OSMR: variants seen among roughly 807,000 people sequenced by gnomAD.
The protein encoded by OSMR is oncostatin-M-specific receptor subunit beta.
A neutral mutation model predicts 99.9 loss-of-function variants in OSMR; 81 were observed. The ratio of observed to expected loss-of-function variants is 0.81; its 90% CI spans 0.68 to 0.97. The LOEUF (loss-of-function observed/expected upper bound fraction) is 0.97, where lower values mean the gene tolerates loss of function less well. OSMR is among the 50% of genes least tolerant of loss of function. The pLI, the probability that OSMR is intolerant of heterozygous loss-of-function variation, is 0.00. For synonymous variants in OSMR, 406 were observed against 410.4 expected, an observed-to-expected ratio of 0.99 and a Z score of 0.13; for missense variants, 1,099 against 1,153.4, an observed-to-expected ratio of 0.95 and a Z score of 0.68.
chr5:38,885,296 C>T (rs1561366840), intron 5 of OSMR, 53 bp from the exon 6 acceptor site: 1 of 1,611,138 alleles, frequency 6.2e-7, no homozygotes, highest in East Asian at 2.2e-5. Context: ...TTCCATTTGG[C>T]TTATCTTCCA....
At chr5:38,896,932 G>A (rs1579733270) in intron 7 of OSMR, among the ~76,000 whole-genome samples, 1 of 151,468 alleles carries the variant, frequency 6.6e-6, no homozygotes, top group African/African-American at 2.4e-5. Context: ...CCTTCATTTT[G>A]TTGATATGAT....
rs530809652 is a variant in OSMR at position 38,850,259 on chromosome 5, T to G, written c.-14+3872T>G. Among the ~76,000 whole-genome samples the G allele has an allele frequency of 4.1e-4, 62 of 152,234 alleles. 1 individual carries two copies. Among genetic ancestry groups the G allele is most frequent in the Non-Finnish European group, 1.6e-4 (11 of 68,032 alleles). On this transcript the variant is annotated intron_variant, in intron 1 of 17. Transcript: ENST00000274276. ...TTGTCCACATTTGGGTGTACAGTCT[T>G]GTACAACTATTTAAATTTATGCTGC...
At chr5:38,923,889 A>G (rs1020139480) in intron 13 of OSMR, among the ~76,000 whole-genome samples, 3 of 152,180 alleles carry the variant, frequency 2.0e-5, no homozygotes, top group Non-Finnish European at 2.9e-5. Context: ...GTGGGAAAAC[A>G]GCCTCAGCAA....
At chr5:38,907,611 C>T (rs550280797) in intron 9 of OSMR, among the ~76,000 whole-genome samples, 100 of 152,342 alleles carry the variant, frequency 6.6e-4, no homozygotes, top group Middle Eastern at 3.4e-3. Context: ...CCTTGCCACA[C>T]TAGCTGGAGT....
Position 38,901,726 on chromosome 5 carries a change from T to C in OSMR, c.992-2156T>C, listed in dbSNP as rs149615476. Among the ~76,000 whole-genome samples the C allele has an allele frequency of 1.6e-3, 246 of 152,302 alleles. 1 individual carries two copies. The highest frequency in any genetic ancestry group is 4.1e-3 in the African/African-American group (170 of 41,566). On this transcript the variant is annotated intron_variant, in intron 7 of 17. Transcript: ENST00000274276. ...GAGGTTTTGGACATCTGTAATTTTA[T>C]TGAGCTAGCAGGCTTTAAGGGTTCT...
intron 15 of OSMR, among the ~76,000 whole-genome samples, chr5:38,925,962 A>G (rs1746455517): frequency 6.6e-6 from 1 of 152,226 alleles, no homozygotes; most frequent in East Asian, 1.9e-4. Context: ...GTGGAGAGAT[A>G]GATCTTTTCA....
intron 9 of OSMR, among the ~76,000 whole-genome samples, chr5:38,909,519 G>A (rs951256070): frequency 9.2e-5 from 14 of 152,178 alleles, no homozygotes; most frequent in African/African-American, 2.2e-4. Flanking sequence ...ACCCCATCAC[G>A]CTAACAGTGG....
rs766228210 is a variant in OSMR, at chr5:38,935,572, A to ATAAT, written c.*2130_*2133dup. On this transcript the variant is annotated 3_prime_UTR_variant, in exon 18 of 18. Coordinates refer to ENST00000274276, the MANE Select transcript of OSMR (RefSeq NM_003999.3). ...TTTTTCATATAGTTTTGTTTAAAAA[A>ATAAT]TAATTCACGCAAAATCTTGAAGTCA... is the stretch of plus-strand genomic sequence containing the variant. 2.6e-5 allele frequency: 4 copies of ATAAT among 152,362 alleles called. No individual in the cohort carries two copies. The South Asian group carries it at 8.3e-4, about 32-fold the overall frequency. The allele number at this position is 152,362 out of a possible 1,614,324, so 9.4% of individuals were successfully genotyped here. A position where few individuals can be genotyped will look rare whatever the true frequency, so the allele number is the denominator to read the frequency against.
intron 1 of OSMR, among the ~76,000 whole-genome samples, chr5:38,857,312 A>T (rs2112092001): frequency 6.6e-6 from 1 of 152,318 alleles, no homozygotes; most frequent in East Asian, 1.9e-4. Flanking sequence ...TCCTCAAATG[A>T]TATGAATGTG....
In OSMR at chr5:38,935,450, C is replaced by T. The variant is rs564802177; in HGVS notation, c.*2006C>T. On this transcript the variant is annotated 3_prime_UTR_variant, in exon 18 of 18. Transcript: ENST00000274276. ...TAGACTTTAGGGCCAGTATTGTCAGCATTTATTTATTTATGTACCTTTGTT... is the reference window on the plus strand; with the variant it reads ...TAGACTTTAGGGCCAGTATTGTCAGTATTTATTTATTTATGTACCTTTGTT... The T allele has an allele frequency of 9.9e-5, 15 of 152,216 alleles. No homozygotes were observed. The South Asian group carries it at 3.1e-3, about 32-fold the overall frequency. The allele number at this position is 152,216 out of a possible 1,614,324, so 9.4% of individuals were successfully genotyped here. A position where few individuals can be genotyped will look rare whatever the true frequency, so the allele number is the denominator to read the frequency against.
At chr5:38,880,400 G>A (rs1390038016) in intron 3 of OSMR, among the ~76,000 whole-genome samples, 2 of 152,152 alleles carry the variant, frequency 1.3e-5, no homozygotes, top group South Asian at 2.1e-4. Flanking sequence ...GTTGGAGGAG[G>A]CACACTGAGG....
rs534667312 is a variant in OSMR at position 38,931,260 on chromosome 5, A to G, written c.2213-623A>G. Reference sequence around the variant, plus strand: ...CACCCTCAAAAGCTCCGTGGCATACAAGAACAAATCTATCTTTTTATGCTC... The same window carrying G: ...CACCCTCAAAAGCTCCGTGGCATACGAGAACAAATCTATCTTTTTATGCTC... On this transcript the variant is annotated intron_variant, in intron 15 of 17. Coordinates refer to ENST00000274276, the MANE Select transcript of OSMR (RefSeq NM_003999.3). 2.6e-5 allele frequency among the ~76,000 whole-genome samples: 4 copies of G among 152,290 alleles called. No individual in the cohort carries two copies. The South Asian group carries it at 8.3e-4, about 32-fold the overall frequency.
At position 38,918,965 on chromosome 5, in the gene OSMR, C is replaced by T; in HGVS notation, c.1488C>T (p.Ile496=). 1 of 1,614,168 alleles carries T rather than the reference C, an allele frequency of 6.2e-7. No homozygotes were observed. The highest frequency in any genetic ancestry group is 1.3e-5 in the African/African-American group (1 of 75,044). Residue 496 remains isoleucine, a synonymous_variant, in exon 11 of 18, where the codon ATC becomes ATT. Transcript: ENST00000274276. ...CACCAGCCAACAGCACAAAACTAAT[C>T]CTTGACAGGTGTTCCTACCAAATCT... ...IPAPANSTKL[I]LDRCSYQICV...
rs1421515577 is a variant in OSMR at position 38,934,019 on chromosome 5, T to TG, written c.*580dup. The TG allele has an allele frequency of 3.1e-5, 1 of 32,570 alleles. No homozygotes were observed. The highest frequency in any genetic ancestry group is 3.7e-4 in the Admixed American group (1 of 2,698). 2.0% of individuals were successfully genotyped at this position (32,570 alleles called of 1,614,324 possible). The stretch of plus-strand genomic sequence containing the variant: ...GACACAGTAAAATTAACTCTGTGGG[T>TG]GGGGGCGGGGGGCATAGCTCTAATC... On this transcript the variant is annotated 3_prime_UTR_variant, in exon 18 of 18. Coordinates refer to ENST00000274276, the MANE Select transcript of OSMR (RefSeq NM_003999.3).
chr5:38,943,819 G>GAAATACA (rs1247877861), intron 1 of OSMR, among the ~76,000 whole-genome samples: 22 of 151,898 alleles, frequency 1.4e-4, no homozygotes, highest in African/African-American at 5.1e-4. Flanking sequence ...TCTCAAAAAA[G>GAAATACA]AAATACAAAA....
chr5:38,890,033 A>T (rs1367434165), intron 7 of OSMR, among the ~76,000 whole-genome samples: 1 of 152,222 alleles, frequency 6.6e-6, no homozygotes, highest in East Asian at 1.9e-4. Flanking sequence ...TTTCTAATCC[A>T]TGAATTAATT....
intron 17 of OSMR, 84 bp from the exon 18 acceptor site, chr5:38,932,788 T>G (rs1746820425): frequency 6.3e-7 from 1 of 1,589,566 alleles, no homozygotes; most frequent in South Asian, 1.1e-5. Flanking sequence ...AAGCTCTAAG[T>G]GTATTTCACA....
chr5:38,942,393 G>A lies in OSMR; in HGVS notation c.75-1808G>A, dbSNP rs762389491. The A allele has an allele frequency of 4.6e-6, 7 of 1,533,546 alleles. No homozygotes were observed. The South Asian group carries it at 7.2e-5, about 16-fold the overall frequency. 95.0% of individuals were successfully genotyped at this position (1,533,546 alleles called of 1,614,324 possible). A position where few individuals can be genotyped will look rare whatever the true frequency, so the allele number is the denominator to read the frequency against. Reference sequence around the variant, plus strand: ...TCTTCATGCATCTAGGGAAAAAATGGTGTATCATCAATTACTTTTATAAAA... The same window carrying A: ...TCTTCATGCATCTAGGGAAAAAATGATGTATCATCAATTACTTTTATAAAA... On this transcript the variant is annotated intron_variant and NMD_transcript_variant, in intron 1 of 2. Coordinates refer to the OSMR transcript ENST00000508882.
At chr5:38,883,134 C>T (rs9292724) in intron 4 of OSMR, among the ~76,000 whole-genome samples, 6,094 of 152,240 alleles carry the variant, frequency 0.04, 370 homozygotes, top group African/African-American at 0.13. Flanking sequence ...CACAACATGG[C>T]GAAGCCCCAG....
Sources: gnomAD v4.1 joint callset for allele counts (sites outside exome capture counted in the v4.1 genomes callset) on GRCh38, gnomAD v4.1.1 for gene constraint, MANE v1.5 for transcripts, NCBI Gene and HGNC (gene_info 2026-07-23, HGNC 2026-07-21) for gene names.